Variants in PTPN2 observed in about 807,000 individuals in gnomAD.
PTPN2 encodes tyrosine-protein phosphatase non-receptor type 2.
PTPN2 carries 19 observed loss-of-function variants against 57.3 expected under a neutral mutation model. The ratio of observed to expected loss-of-function variants is 0.33; its 90% CI spans 0.23 to 0.49. The LOEUF (loss-of-function observed/expected upper bound fraction) is 0.49. Ranked by LOEUF, PTPN2 falls within the 20% of genes least tolerant of loss-of-function variation. The probability of loss-of-function intolerance (pLI) is 0.99; values close to 1 mark genes in which losing one functional copy is unlikely to be tolerated. For missense variants in PTPN2, 358 were observed against 501.1 expected, an observed-to-expected ratio of 0.71 and a Z score of 2.73; for synonymous variants, 153 against 164.9, an observed-to-expected ratio of 0.93 and a Z score of 0.55.
downstream of PTPN2, among the ~76,000 whole-genome samples, chr18:12,791,021 A>G (rs1038216144): frequency 1.6e-4 from 24 of 152,236 alleles, no homozygotes; most frequent in African/African-American, 5.8e-4. Context: ...ATTACATGTT[A>G]CTTTTCTTAA....
At chr18:12,808,149 T>C (rs1280513875) in intron 7 of PTPN2, among the ~76,000 whole-genome samples, 1 of 151,894 alleles carries the variant, frequency 6.6e-6, no homozygotes, top group Non-Finnish European at 1.5e-5. Flanking sequence ...ATCGTGCCAC[T>C]GTACACCAGC....
intron 5 of PTPN2, chr18:12,821,269 C>T (rs1334712072): frequency 6.6e-6 from 1 of 152,172 alleles, no homozygotes; most frequent in African/African-American, 2.4e-5. Flanking sequence ...TGTGAAGTGC[C>T]TGCCATATCC....
intron 7 of PTPN2, among the ~76,000 whole-genome samples, chr18:12,804,591 A>G (rs1392149621): frequency 6.6e-6 from 1 of 152,110 alleles, no homozygotes; most frequent in Non-Finnish European, 1.5e-5. Context: ...GTATTGTAAG[A>G]GACTATTATA....
downstream of PTPN2, chr18:12,787,844 T>C (rs147511610): frequency 6.5e-6 from 1 of 153,730 alleles, no homozygotes; most frequent in Admixed American, 6.5e-5. Flanking sequence ...GTGGAGACAG[T>C]GGCTCTGACA....
intron 6 of PTPN2, among the ~76,000 whole-genome samples, 192 bp from the exon 7 acceptor site, chr18:12,814,547 C>T (rs2042001054): frequency 6.6e-6 from 1 of 152,204 alleles, no homozygotes; most frequent in African/African-American, 2.4e-5. Context: ...CACATCTCAA[C>T]CCCTCAAGTA....
At chr18:12,810,311 C>A (rs2041847631) in intron 7 of PTPN2, among the ~76,000 whole-genome samples, 1 of 152,098 alleles carries the variant, frequency 6.6e-6, no homozygotes, top group Non-Finnish European at 1.5e-5. Context: ...TTGCAGTGAG[C>A]CGAGATCACG....
chr18:12,813,371 C>T (rs762960730), intron 7 of PTPN2, among the ~76,000 whole-genome samples: 3 of 152,188 alleles, frequency 2.0e-5, no homozygotes, highest in South Asian at 2.1e-4. Context: ...CCAAACATTG[C>T]GTATTTTGGC....
chr18:12,796,618 T>G (rs1409769320), intron 8 of PTPN2, among the ~76,000 whole-genome samples: 1 of 152,184 alleles, frequency 6.6e-6, no homozygotes, highest in African/African-American at 2.4e-5. Context: ...GACCTAGCAA[T>G]TCCACTCCTA....
rs554107392 is a variant in PTPN2 at position 12,814,026 on chromosome 18, T to C, written c.858+177A>G. ...TAACACACAGGATTTAACCTGAGGC[T>C]GAGTATATATGAGGAAGCTAGCTAA... On this transcript the variant is annotated intron_variant, in intron 7 of 8. Transcript: ENST00000309660. Among the ~76,000 whole-genome samples the C allele has an allele frequency of 2.6e-5, 4 of 152,328 alleles. No individual in the cohort carries two copies. In the East Asian group the frequency reaches 7.7e-4, roughly 29 times the overall value.
chr18:12,830,805 G>A (rs1177678917), intron 4 of PTPN2, 138 bp downstream of exon 4: 1 of 558,694 alleles, frequency 1.8e-6, no homozygotes, highest in Non-Finnish European at 3.2e-6. Flanking sequence ...AGTTTTTCCG[G>A]ACAGAAACAC....
chr18:12,861,503 T>G (rs1361989981), intron 1 of PTPN2, among the ~76,000 whole-genome samples: 1 of 152,224 alleles, frequency 6.6e-6, no homozygotes, highest in African/African-American at 2.4e-5. Flanking sequence ...GAAGGCAAGT[T>G]GTCCCCTATT....
At chr18:12,819,345 ACATT>A in intron 5 of PTPN2, 1 of 754,702 alleles carries the variant, frequency 1.3e-6, no homozygotes, top group Non-Finnish European at 2.0e-6. Flanking sequence ...ACGCTTTAAG[ACATT>A]TATTTTTAAA....
intron 2 of PTPN2, among the ~76,000 whole-genome samples, chr18:12,850,023 A>G (rs762178589): frequency 3.9e-5 from 6 of 152,036 alleles, no homozygotes; most frequent in Non-Finnish European, 8.8e-5. Context: ...CTCGATCTTG[A>G]CAGAGTTGAT....
At chr18:12,799,666 C>T (rs2041337832) in intron 8 of PTPN2, among the ~76,000 whole-genome samples, 1 of 151,536 alleles carries the variant, frequency 6.6e-6, no homozygotes. Flanking sequence ...CTCACTGCAA[C>T]CTCCTGGGTT....
intron 2 of PTPN2, among the ~76,000 whole-genome samples, chr18:12,841,723 C>A (rs2043052122): frequency 6.6e-6 from 1 of 152,122 alleles, no homozygotes; most frequent in Non-Finnish European, 1.5e-5. Flanking sequence ...CCACAAATCT[C>A]CTAATTGAAA....
At chr18:12,882,246 C>G (rs45579734) in intron 1 of PTPN2, among the ~76,000 whole-genome samples, 20,489 of 152,218 alleles carry the variant, frequency 0.13, 2,774 homozygotes, top group African/African-American at 0.35. Flanking sequence ...ACTGACCAAA[C>G]TAATGGTCTT....
chr18:12,811,335 G>T (rs899054516), intron 7 of PTPN2, among the ~76,000 whole-genome samples: 2 of 152,092 alleles, frequency 1.3e-5, no homozygotes, highest in African/African-American at 4.8e-5. Context: ...TCTTGACTGA[G>T]ACCTAGTTAT....
intron 1 of PTPN2, among the ~76,000 whole-genome samples, chr18:12,870,310 C>CT (rs1555679458): frequency 1.7e-5 from 1 of 57,530 alleles, no homozygotes; most frequent in African/African-American, 1.2e-4. Flanking sequence ...TGTATATATA[C>CT]ATATATATGT....
intron 2 of PTPN2, among the ~76,000 whole-genome samples, chr18:12,838,278 A>G (rs2042934499): frequency 6.6e-6 from 1 of 152,178 alleles, no homozygotes; most frequent in Non-Finnish European, 1.5e-5. Flanking sequence ...TTTAGCTAAC[A>G]TGCGGTAGGA....
Sources: gnomAD v4.1 joint callset for allele counts (sites outside exome capture counted in the v4.1 genomes callset) on GRCh38, gnomAD v4.1.1 for gene constraint, MANE v1.5 for transcripts, NCBI Gene and HGNC (gene_info 2026-07-23, HGNC 2026-07-21) for gene names.